The following ANKFY1 variants were observed in gnomAD, a reference collection of about 807,000 sequenced individuals.
The protein encoded by ANKFY1 is ankyrin repeat and FYVE domain-containing protein 1.
A neutral mutation model predicts 128.3 loss-of-function variants in ANKFY1; 47 were observed. The observed-to-expected ratio is 0.37, with a 90% confidence interval of 0.29 to 0.47. The LOEUF is 0.47. Ranked by LOEUF, ANKFY1 falls within the 20% of genes least tolerant of loss-of-function variation. The probability of loss-of-function intolerance (pLI) is 1.00; values close to 1 mark genes in which losing one functional copy is unlikely to be tolerated. For synonymous variants in ANKFY1, 553 were observed against 601.6 expected, an observed-to-expected ratio of 0.92 and a Z score of 1.18; for missense variants, 1,222 against 1,510.6, an observed-to-expected ratio of 0.81 and a Z score of 3.17.
intron 2 of ANKFY1, among the ~76,000 whole-genome samples, chr17:4,237,776 A>AGACT (rs1966982176): frequency 6.6e-6 from 1 of 152,198 alleles, no homozygotes; most frequent in Admixed American, 6.6e-5. Flanking sequence ...CCAGTCCATG[A>AGACT]GGATTCTATG....
In ANKFY1 at chr17:4,194,997, G is replaced by A. The variant is rs745878528; in HGVS notation, c.1353C>T (p.Asp451=). Residue 451 remains aspartate, a synonymous_variant, in exon 10 of 25, where the codon GAC becomes GAT. Transcript: ENST00000341657. Reference sequence around the variant, plus strand: ...CTTTACCTGTCGCCGTGTCAGGTGCGTCTGTGTGGCTGCCGCGCTGGATGA... The same window carrying A: ...CTTTACCTGTCGCCGTGTCAGGTGCATCTGTGTGGCTGCCGCGCTGGATGA... The part of the protein sequence containing the change: ...ARLIQRGSHT[D]APDTATGNCL... The A allele has an allele frequency of 1.5e-5, 25 of 1,614,096 alleles. No individual in the cohort carries two copies. Among genetic ancestry groups the A allele is most frequent in the East Asian group, 2.2e-5 (1 of 44,898 alleles).
intron 3 of ANKFY1, among the ~76,000 whole-genome samples, chr17:4,229,925 G>A (rs575566996): frequency 2.6e-5 from 4 of 152,328 alleles, no homozygotes; most frequent in East Asian, 1.9e-4. Context: ...TACTGAAGAG[G>A]AGAATTTGAA....
intron 3 of ANKFY1, among the ~76,000 whole-genome samples, chr17:4,224,558 A>G (rs2143140674): frequency 1.3e-5 from 2 of 152,318 alleles, no homozygotes; most frequent in Admixed American, 1.3e-4. Flanking sequence ...TGTCTTGTAC[A>G]AGAAAAGGCA....
chr17:4,189,926 C>T (rs889970266), intron 10 of ANKFY1, among the ~76,000 whole-genome samples: 4 of 152,166 alleles, frequency 2.6e-5, no homozygotes, highest in Non-Finnish European at 4.4e-5. Flanking sequence ...GGCTAGGGAA[C>T]GCCCCGGGCT....
rs9907369 is a variant in ANKFY1, at chr17:4,217,199, G to C, written c.323-81C>G. The C allele has an allele frequency of 0.36, 545,325 of 1,506,298 alleles. 102,085 individuals carry two copies. The highest frequency in any genetic ancestry group is 0.41 in the Admixed American group (22,946 of 56,040). The allele number at this position is 1,506,298 out of a possible 1,614,324, so 93.3% of individuals were successfully genotyped here. On this transcript the variant is annotated intron_variant, in intron 3 of 24. Transcript: ENST00000341657. The stretch of plus-strand genomic sequence containing the variant: ...TCTCAAGGGATCCCTAAAATTTGAG[G>C]CTAATAAAGTAAATGACAGTATACC...
chr17:4,169,648 CAA>C lies in ANKFY1; in HGVS notation c.3287-362_3287-361del, dbSNP rs1472788300. The stretch of plus-strand genomic sequence containing the variant: ...AGGGGAACAGAGGATGGGACTAAGA[CAA>C]GAGAAATTGAGGAGGCAAAATCTGT... On this transcript the variant is annotated intron_variant, in intron 23 of 24. Coordinates refer to ENST00000341657, the MANE Select transcript of ANKFY1 (RefSeq NM_001330063.2). The surrounding 1 kb of genome is among the most constrained non-coding windows in gnomAD (Gnocchi z 5.0). 6.6e-5 allele frequency among the ~76,000 whole-genome samples: 10 copies of C among 152,244 alleles called. No homozygotes were observed. The East Asian group carries it at 1.5e-3, about 23-fold the overall frequency.
In ANKFY1 at chr17:4,229,917, C is replaced by T. The variant is rs1044612830; in HGVS notation, c.322+5855G>A. ...TTCATTAGAGGTGAATCAGCCTATA[C>T]TGAAGAGGAGAATTTGAATCCACCT... On this transcript the variant is annotated intron_variant, in intron 3 of 24. Coordinates refer to ENST00000341657, the MANE Select transcript of ANKFY1 (RefSeq NM_001330063.2). 7.9e-5 allele frequency among the ~76,000 whole-genome samples: 12 copies of T among 152,250 alleles called. 1 individual carries two copies. Among genetic ancestry groups the T allele is most frequent in the Admixed American group, 3.9e-4 (6 of 15,290 alleles).
chr17:4,214,427 A>C (rs2060186363), intron 4 of ANKFY1, among the ~76,000 whole-genome samples: 2 of 152,186 alleles, frequency 1.3e-5, no homozygotes, highest in South Asian at 4.1e-4. Context: ...GAAAATAGCA[A>C]GACAGACAGA....
chr17:4,192,435 T>G (rs2059734351), intron 10 of ANKFY1, among the ~76,000 whole-genome samples: 1 of 151,210 alleles, frequency 6.6e-6, no homozygotes, highest in African/African-American at 2.4e-5. Context: ...ATCTGGAGAC[T>G]CTTAGTTGAT....
chr17:4,263,474 C>A, intron 1 of ANKFY1: 6 of 746,406 alleles, frequency 8.0e-6, no homozygotes, highest in Admixed American at 2.7e-5. Flanking sequence ...CCCCACCCCA[C>A]CCCACCTCAC....
chr17:4,251,967 G>A (rs1038943679), intron 1 of ANKFY1, among the ~76,000 whole-genome samples: 2 of 150,634 alleles, frequency 1.3e-5, no homozygotes, highest in African/African-American at 4.9e-5. Flanking sequence ...CCGGGAGACA[G>A]AGGTTGCAGT....
At chr17:4,263,477 CACCTCACCCCAA>C in intron 1 of ANKFY1, 1 of 825,140 alleles carries the variant, frequency 1.2e-6, no homozygotes, top group Non-Finnish European at 1.8e-6. Context: ...CACCCCACCC[CACCTCACCCCAA>C]CCCAGCCCGA....
intron 14 of ANKFY1, among the ~76,000 whole-genome samples, chr17:4,183,043 C>T (rs1470371060): frequency 6.6e-6 from 1 of 152,148 alleles, no homozygotes. Context: ...TAGGTGGAGG[C>T]CGCAGTGAGC....
rs1262122691 is a variant in ANKFY1, at chr17:4,166,305, C to T, written c.*1474G>A. 1.3e-5 allele frequency: 2 copies of T among 152,438 alleles called. No individual in the cohort carries two copies. Among genetic ancestry groups the T allele is most frequent in the African/African-American group, 2.4e-5 (1 of 41,444 alleles). The allele number at this position is 152,438 out of a possible 1,614,324, so 9.4% of individuals were successfully genotyped here. On this transcript the variant is annotated 3_prime_UTR_variant, in exon 25 of 25. Transcript: ENST00000341657. ...TGCAAAAATATTTAGTCCCTTTACACATATAGTCAAACTTCATTAATGCAA... is the reference window on the plus strand; with the variant it reads ...TGCAAAAATATTTAGTCCCTTTACATATATAGTCAAACTTCATTAATGCAA...
rs751831487 is a variant in ANKFY1 at position 4,181,273 on chromosome 17, C to T, written c.2221G>A (p.Ala741Thr). Residue 741 changes from alanine (A) to threonine (T), a missense_variant, in exon 16 of 25, where the codon GCC becomes ACC. By Grantham distance (58) the Ala-to-Thr change is moderately conservative. Coordinates refer to ENST00000341657, the MANE Select transcript of ANKFY1 (RefSeq NM_001330063.2). This position sits in a 1 kb window ranked among gnomAD's most constrained non-coding sequence, Gnocchi z 4.9. ...RAIDENNEPT[A>T]CFLIRSGCDV... ...TCAGACCTGCGAATAAGAAAGCAGG[C>T]GGTGGGCTCGTTGTTTTCATCAATG... 3.1e-6 allele frequency: 5 copies of T among 1,613,936 alleles called. No individual in the cohort carries two copies. Among genetic ancestry groups the T allele is most frequent in the Non-Finnish European group, 4.2e-6 (5 of 1,179,802 alleles).
At chr17:4,198,164 T>G (rs1223894001) in intron 7 of ANKFY1, among the ~76,000 whole-genome samples, 1 of 151,792 alleles carries the variant, frequency 6.6e-6, no homozygotes, top group African/African-American at 2.4e-5. Flanking sequence ...CTTCTACTCT[T>G]CAAAGGCCTC....
intron 4 of ANKFY1, among the ~76,000 whole-genome samples, chr17:4,213,905 G>A (rs1567950472): frequency 1.3e-5 from 2 of 152,006 alleles, no homozygotes; most frequent in African/African-American, 2.4e-5. Flanking sequence ...TCAGTTTTCT[G>A]TACCATTGGT....
At chr17:4,231,402 T>A (rs779967320) in intron 3 of ANKFY1, among the ~76,000 whole-genome samples, 7 of 152,030 alleles carry the variant, frequency 4.6e-5, no homozygotes, top group Non-Finnish European at 1.0e-4. Context: ...GGTGGGAGGA[T>A]CTCTTGAGCC....
rs2059210013 is a variant in ANKFY1, at chr17:4,166,338, T to C, written c.*1441A>G. On this transcript the variant is annotated 3_prime_UTR_variant, in exon 25 of 25. Coordinates refer to ENST00000341657, the MANE Select transcript of ANKFY1 (RefSeq NM_001330063.2). ...CAAACTTCATTAATGCAAAAAAATG[T>C]AGTGGTTATTAAATGTCTGAAAGAA... 6.6e-6 allele frequency: 1 copy of C among 152,578 alleles called. No homozygotes were observed. The highest frequency in any genetic ancestry group is 1.5e-5 in the Non-Finnish European group (1 of 68,040). The allele number at this position is 152,578 out of a possible 1,614,324, so 9.5% of individuals were successfully genotyped here. A position where few individuals can be genotyped will look rare whatever the true frequency, so the allele number is the denominator to read the frequency against.
Sources: gnomAD v4.1 joint callset for allele counts (sites outside exome capture counted in the v4.1 genomes callset) on GRCh38, gnomAD v4.1.1 for gene constraint, Gnocchi (gnomAD v3.1) non-coding constraint, MANE v1.5 for transcripts, NCBI Gene and HGNC (gene_info 2026-07-23, HGNC 2026-07-21) for gene names.